MASP1: variants seen among roughly 807,000 people sequenced by gnomAD.
The protein encoded by MASP1 is MBL associated serine protease 1.
Under a neutral mutation model 77.1 loss-of-function variants are expected in MASP1, and 59 were observed. The observed-to-expected ratio is 0.77, with a 90% CI of 0.62 to 0.95. MASP1 has a LOEUF of 0.95. Among genes scored for constraint, MASP1 ranks in the 40% least tolerant of loss-of-function variants. MASP1 has a pLI of 0.00. For missense variants in MASP1, 885 were observed against 912.9 expected (o/e 0.97, Z 0.39); for synonymous variants, 362 against 354.5 (o/e 1.02, Z -0.24).
At chr3:187,259,956 G>A (rs1715419525) in intron 4 of MASP1, among the ~76,000 whole-genome samples, 1 of 152,154 alleles carries the variant, frequency 6.6e-6, no homozygotes, top group Non-Finnish European at 1.5e-5. Flanking sequence ...CTCTCTGCCT[G>A]GAAGGCCCTT....
Position 187,291,674 on chromosome 3 carries a change from C to A in MASP1, c.-42G>T. On this transcript the variant is annotated 5_prime_UTR_variant, in exon 1 of 11. Transcript: ENST00000296280. Reference sequence around the variant, plus strand: ...CTCCCGGCTGCCCGGCCTTGGTCCTCCCAGCTTGACTTGCCTGTGAGCTCG... The same window carrying A: ...CTCCCGGCTGCCCGGCCTTGGTCCTACCAGCTTGACTTGCCTGTGAGCTCG... 1 of 1,614,130 alleles carries A rather than the reference C, an allele frequency of 6.2e-7. No individual in the cohort carries two copies. The highest frequency in any genetic ancestry group is 1.1e-5 in the South Asian group (1 of 91,082).
intron 1 of MASP1, chr3:187,291,397 A>G (rs907001187): frequency 6.5e-6 from 4 of 611,194 alleles, no homozygotes; most frequent in Non-Finnish European, 1.2e-5. Context: ...CGTCCGGAGC[A>G]GGATTTGCAC....
chr3:187,266,972 C>T (rs1716083685), intron 2 of MASP1, among the ~76,000 whole-genome samples: 1 of 152,228 alleles, frequency 6.6e-6, no homozygotes, highest in East Asian at 1.9e-4. Flanking sequence ...AAATTCATTA[C>T]ATCAGCTAAA....
rs556440717 is a variant in MASP1, at chr3:187,240,237, C to T, written c.1303+1244G>A. On this transcript the variant is annotated intron_variant, in intron 10 of 10. Coordinates refer to ENST00000296280, the MANE Select transcript of MASP1 (RefSeq NM_139125.4). ...AATATACCAACCGTGTACTAGTATACCTTCTTTATACTGTATACTGTAGGG... is the reference window on the plus strand; with the variant it reads ...AATATACCAACCGTGTACTAGTATATCTTCTTTATACTGTATACTGTAGGG... Among the ~76,000 whole-genome samples, 7 of 151,322 alleles carry T rather than the reference C, an allele frequency of 4.6e-5. No homozygotes were observed. The South Asian group carries it at 1.3e-3, about 27-fold the overall frequency.
intron 10 of MASP1, among the ~76,000 whole-genome samples, chr3:187,241,187 C>T (rs1232201608): frequency 2.6e-5 from 4 of 152,022 alleles, no homozygotes; most frequent in Admixed American, 2.0e-4. Context: ...TAAATTTCCC[C>T]GGCACAACAG....
chr3:187,275,978 C>T (rs933701709), intron 2 of MASP1, among the ~76,000 whole-genome samples: 2 of 152,002 alleles, frequency 1.3e-5, no homozygotes, highest in East Asian at 1.9e-4. Flanking sequence ...TCCCGCCCCC[C>T]ATCTGTACCT....
intron 2 of MASP1, 87 bp from the exon 3 acceptor site, chr3:187,262,807 C>A: frequency 8.1e-7 from 1 of 1,238,066 alleles, no homozygotes. Flanking sequence ...AGGAAGGGGC[C>A]ACCCAAGAGT....
intron 2 of MASP1, among the ~76,000 whole-genome samples, chr3:187,281,563 G>T (rs1274999972): frequency 6.6e-6 from 1 of 152,222 alleles, no homozygotes; most frequent in African/African-American, 2.4e-5. Flanking sequence ...GTTCTGTGAT[G>T]ACATACCACC....
intron 8 of MASP1, among the ~76,000 whole-genome samples, chr3:187,247,728 A>C (rs1442132112): frequency 2.6e-5 from 4 of 152,186 alleles, no homozygotes; most frequent in Non-Finnish European, 5.9e-5. Context: ...TCCCGGGGTC[A>C]CCACAGCAAG....
intron 8 of MASP1, chr3:187,247,231 C>T (rs2108531821): frequency 6.2e-7 from 1 of 1,602,446 alleles, no homozygotes; most frequent in Non-Finnish European, 8.5e-7. Flanking sequence ...TGGAAAGGGG[C>T]ACGGGGGTGT....
chr3:187,248,801 G>C (rs1714320161), intron 8 of MASP1, among the ~76,000 whole-genome samples: 1 of 152,074 alleles, frequency 6.6e-6, no homozygotes, highest in Non-Finnish European at 1.5e-5. Flanking sequence ...CCCATGCTAG[G>C]CTCTGACTCC....
intron 1 of MASP1, among the ~76,000 whole-genome samples, chr3:187,287,308 C>A (rs1490198589): frequency 6.6e-6 from 1 of 152,186 alleles, no homozygotes. Flanking sequence ...TCCATTCCAG[C>A]CTCATTGCAT....
At chr3:187,222,713 ATGAACTTCTAAG>A (rs2085690988) in intron 14 of MASP1, among the ~76,000 whole-genome samples, 1 of 150,374 alleles carries the variant, frequency 6.7e-6, no homozygotes, top group South Asian at 2.1e-4. Context: ...TGATAGGAAT[ATGAACTTCTAAG>A]TGTAACTGCC....
chr3:187,247,174 G>T, intron 8 of MASP1: 1 of 1,519,360 alleles, frequency 6.6e-7, no homozygotes, highest in South Asian at 1.2e-5. Flanking sequence ...ACACGTAGCA[G>T]CTTCAACTGC....
exon 16 of MASP1, chr3:187,218,965 G>A (rs1179764286): frequency 3.3e-5 from 5 of 152,280 alleles, no homozygotes; most frequent in Non-Finnish European, 7.3e-5. Context: ...CAAACTACCA[G>A]GGCCCACCTC....
At chr3:187,224,936 T>C (rs116198924) in intron 13 of MASP1, among the ~76,000 whole-genome samples, 114 of 152,332 alleles carry the variant, frequency 7.5e-4, no homozygotes, top group African/African-American at 2.7e-3. Flanking sequence ...TTTTCCAAGC[T>C]TCTAATTTCT....
chr3:187,256,917 G>T, intron 4 of MASP1, 57 bp from the exon 5 acceptor site: 1 of 1,480,830 alleles, frequency 6.8e-7, no homozygotes, highest in Non-Finnish European at 9.4e-7. Flanking sequence ...TAGCAAGCCT[G>T]GCTTATCTGT....
At chr3:187,243,361 C>G in intron 9 of MASP1, 123 bp downstream of exon 9, 1 of 982,658 alleles carries the variant, frequency 1.0e-6, no homozygotes, top group South Asian at 1.3e-5. Flanking sequence ...ACACGTTTTG[C>G]ATTATCAGGC....
At chr3:187,263,684 A>G (rs1158099751) in intron 2 of MASP1, among the ~76,000 whole-genome samples, 5 of 152,166 alleles carry the variant, frequency 3.3e-5, no homozygotes, top group Non-Finnish European at 5.9e-5. Context: ...CTCTGTGTGT[A>G]CATGTTTGTG....
Sources: gnomAD v4.1 joint callset for allele counts (sites outside exome capture counted in the v4.1 genomes callset) on GRCh38, gnomAD v4.1.1 for gene constraint, MANE v1.5 for transcripts, NCBI Gene and HGNC (gene_info 2026-07-23, HGNC 2026-07-21) for gene names.